The following PIGU variants were observed in gnomAD, a reference collection of about 807,000 sequenced individuals.
PIGU encodes the protein GPI-anchor transamidase component PIGU.
A neutral mutation model predicts 49.9 loss-of-function variants in PIGU; 24 were observed. That is an observed-to-expected ratio of 0.48 (90% CI 0.35 to 0.68). PIGU has a LOEUF of 0.68. Among genes scored for constraint, PIGU ranks in the 30% least tolerant of loss-of-function variants. The pLI is 0.01. For missense variants in PIGU, 490 were observed against 532.6 expected (o/e 0.92, Z 0.79); for synonymous variants, 220 against 205.7 (o/e 1.07, Z -0.59).
At chr20:34,562,710 A>T (rs1982579906) in intron 11 of PIGU, 1 of 547,570 alleles carries the variant, frequency 1.8e-6, no homozygotes, top group Admixed American at 2.6e-5. Flanking sequence ...CAGATCACTG[A>T]TGAGCACGAG....
intron 7 of PIGU, among the ~76,000 whole-genome samples, chr20:34,603,237 G>A (rs944802600): frequency 2.4e-4 from 36 of 152,084 alleles, no homozygotes; most frequent in African/African-American, 7.5e-4. Context: ...CTTTTGTCAG[G>A]AGGCTTGGTT....
At chr20:34,638,065 C>T in intron 4 of PIGU, 80 bp from the exon 5 acceptor site, 1 of 1,489,688 alleles carries the variant, frequency 6.7e-7, no homozygotes, top group South Asian at 1.4e-5. Context: ...AGACAAAAGT[C>T]CTTTCCATGG....
intron 11 of PIGU, among the ~76,000 whole-genome samples, chr20:34,573,852 T>A (rs1403163987): frequency 6.6e-6 from 1 of 152,216 alleles, no homozygotes; most frequent in Non-Finnish European, 1.5e-5. Context: ...GCCCTCTATC[T>A]CTCTTTCTTC....
intron 7 of PIGU, among the ~76,000 whole-genome samples, chr20:34,613,616 G>A (rs1984901707): frequency 6.6e-6 from 1 of 152,082 alleles, no homozygotes; most frequent in South Asian, 2.1e-4. Context: ...TTGATACATA[G>A]TTGTATAAAA....
At chr20:34,623,151 G>C (rs189218480) in intron 6 of PIGU, among the ~76,000 whole-genome samples, 17 of 152,074 alleles carry the variant, frequency 1.1e-4, no homozygotes, top group Admixed American at 2.6e-4. Flanking sequence ...TTGGGTCACA[G>C]GTGATGATCT....
intron 11 of PIGU, chr20:34,562,287 TG>T: frequency 2.3e-6 from 1 of 434,640 alleles, no homozygotes; most frequent in Non-Finnish European, 3.1e-6. Flanking sequence ...CTCAGGCACC[TG>T]GAGGCCTCAG....
chr20:34,674,928 T>G, intron 1 of PIGU, among the ~76,000 whole-genome samples: 1 of 128,098 alleles, frequency 7.8e-6, no homozygotes, highest in Non-Finnish European at 1.6e-5. Flanking sequence ...AGTGTCAGAG[T>G]GAGACCCTGT....
intron 7 of PIGU, 60 bp from the exon 8 acceptor site, chr20:34,588,667 G>A: frequency 6.6e-7 from 1 of 1,505,406 alleles, no homozygotes. Context: ...GCAGCTATTA[G>A]CTTACACTTA....
intron 1 of PIGU, among the ~76,000 whole-genome samples, chr20:34,675,729 C>A (rs915293794): frequency 6.6e-6 from 1 of 152,082 alleles, no homozygotes; most frequent in Non-Finnish European, 1.5e-5. Flanking sequence ...AAACGTTAGC[C>A]TTGGCCAGGT....
rs749806793 is a variant in PIGU at position 34,616,135 on chromosome 20, A to G, written c.534T>C (p.Ser178=). Residue 178 remains serine (S), a synonymous_variant, in exon 7 of 12, where the codon AGT becomes AGC. Coordinates refer to ENST00000217446, the MANE Select transcript of PIGU (RefSeq NM_080476.5). ...AFFILTTIKG[S]AFLSAIFLAL... is the part of the protein sequence containing the mutation. ...CAAGAAAAATAGCACTGAGGAAAGC[A>G]CTGCCTGTAAAAAGAAAGAAATGTA... 2 of 1,612,626 alleles carry G rather than the reference A, an allele frequency of 1.2e-6. No homozygotes were observed. Among genetic ancestry groups the G allele is most frequent in the Non-Finnish European group, 1.7e-6 (2 of 1,179,404 alleles).
intron 11 of PIGU, among the ~76,000 whole-genome samples, chr20:34,563,334 G>A (rs1448657547): frequency 1.3e-5 from 2 of 152,152 alleles, no homozygotes; most frequent in African/African-American, 2.4e-5. Context: ...TTGGGAGGCC[G>A]AAGCAGGCGG....
chr20:34,575,879 C>T (rs1420572256), intron 10 of PIGU, among the ~76,000 whole-genome samples: 1 of 152,192 alleles, frequency 6.6e-6, no homozygotes, highest in East Asian at 1.9e-4. Context: ...GAAAGCTCTC[C>T]CTGAGGTCTC....
chr20:34,670,934 A>G (rs1484834200), intron 1 of PIGU, among the ~76,000 whole-genome samples: 1 of 152,258 alleles, frequency 6.6e-6, no homozygotes, highest in African/African-American at 2.4e-5. Context: ...CTAAGCCTAT[A>G]CGAACTGTCA....
In PIGU at chr20:34,633,360, A is replaced by G. The variant is rs1416925105; in HGVS notation, c.529+1255T>C. 1.2e-4 allele frequency among the ~76,000 whole-genome samples: 19 copies of G among 152,240 alleles called. 1 individual carries two copies. Among genetic ancestry groups the G allele is most frequent in the Admixed American group, 9.8e-4 (15 of 15,286 alleles). ...GTGCTTGTAGTCCTAGCTACTTAGG[A>G]GGCTGAAGTGGGAGGATCACCTGAG... On this transcript the variant is annotated intron_variant, in intron 6 of 11. Coordinates refer to ENST00000217446, the MANE Select transcript of PIGU (RefSeq NM_080476.5).
chr20:34,636,471 G>A (rs899478579), intron 5 of PIGU, among the ~76,000 whole-genome samples: 1 of 152,066 alleles, frequency 6.6e-6, no homozygotes, highest in Non-Finnish European at 1.5e-5. Context: ...TTGAACCCAG[G>A]AGGTAGAGGT....
chr20:34,672,732 C>T (rs1030149168), intron 1 of PIGU, among the ~76,000 whole-genome samples: 1 of 151,528 alleles, frequency 6.6e-6, no homozygotes, highest in African/African-American at 2.4e-5. Context: ...GGAGCATGCA[C>T]CAATCCCAGC....
intron 7 of PIGU, among the ~76,000 whole-genome samples, chr20:34,589,954 C>A (rs773263442): frequency 2.6e-5 from 4 of 152,008 alleles, no homozygotes; most frequent in African/African-American, 4.8e-5. Flanking sequence ...CTGCGCCTGG[C>A]CTCACATATT....
At chr20:34,561,403 A>G (rs1415867553) in intron 11 of PIGU, among the ~76,000 whole-genome samples, 1 of 152,022 alleles carries the variant, frequency 6.6e-6, no homozygotes, top group Admixed American at 6.5e-5. Flanking sequence ...AGGCCACAAA[A>G]TTGCCCTGAC....
At chr20:34,639,076 T>A (rs1430816172) in intron 4 of PIGU, among the ~76,000 whole-genome samples, 1 of 152,174 alleles carries the variant, frequency 6.6e-6, no homozygotes, top group Non-Finnish European at 1.5e-5. Context: ...CATTGTGACA[T>A]TTATATGAAG....
Sources: gnomAD v4.1 joint callset for allele counts (sites outside exome capture counted in the v4.1 genomes callset) on GRCh38, gnomAD v4.1.1 for gene constraint, MANE v1.5 for transcripts, NCBI Gene and HGNC (gene_info 2026-07-23, HGNC 2026-07-21) for gene names.